The following AMOTL1 variants were observed in gnomAD, a reference collection of about 807,000 sequenced individuals.
The protein encoded by AMOTL1 is angiomotin-like protein 1.
AMOTL1 carries 45 observed loss-of-function variants against 102.9 expected under a neutral mutation model. The observed-to-expected ratio is 0.44, with a 90% confidence interval of 0.34 to 0.56. The LOEUF is 0.56. AMOTL1 is among the 20% of genes least tolerant of loss of function. The pLI, the probability that AMOTL1 is intolerant of heterozygous loss-of-function variation, is 0.01. For missense variants in AMOTL1, 1,114 were observed against 1,225.6 expected (o/e 0.91, Z 1.36); for synonymous variants, 481 against 484.7 (o/e 0.99, Z 0.10).
At chr11:94,784,706 T>C (rs1447671574) in intron 1 of AMOTL1, among the ~76,000 whole-genome samples, 1 of 152,188 alleles carries the variant, frequency 6.6e-6, no homozygotes, top group African/African-American at 2.4e-5. Context: ...TACCACAACT[T>C]TTCAGGAGTG....
intron 1 of AMOTL1, among the ~76,000 whole-genome samples, chr11:94,786,102 A>T (rs2135541291): frequency 6.6e-6 from 1 of 152,346 alleles, no homozygotes; most frequent in African/African-American, 2.4e-5. Context: ...ATTAAAACTT[A>T]TCTGAGGAAA....
intron 7 of AMOTL1, among the ~76,000 whole-genome samples, chr11:94,850,905 T>TA (rs1952523173): frequency 6.6e-6 from 1 of 152,174 alleles, no homozygotes; most frequent in African/African-American, 2.4e-5. Context: ...AAGGAAACAG[T>TA]ATTGTTACTA....
At chr11:94,864,926 ATTG>A in intron 10 of AMOTL1, 66 bp downstream of exon 10, 2 of 1,556,744 alleles carry the variant, frequency 1.3e-6, no homozygotes, top group Non-Finnish European at 1.7e-6. Context: ...TCCAGAACAG[ATTG>A]CTTCTCTGTC....
At position 94,873,776 on chromosome 11, in the gene AMOTL1, TACACACAC is replaced by T. The variant is rs149500556; in HGVS notation, c.*3011_*3018del. On this transcript the variant is annotated 3_prime_UTR_variant, in exon 13 of 13. Transcript: ENST00000433060. Reference sequence around the variant, plus strand: ...TGTGATGTGTGTGTGCACGTGTAACTACACACACACACACACACACACACACACACACA... The same window carrying T: ...TGTGATGTGTGTGTGCACGTGTAACTACACACACACACACACACACACACA... 0.03 allele frequency: 4,241 copies of T among 142,560 alleles called. 101 individuals carry two copies. Among genetic ancestry groups the T allele is most frequent in the African/African-American group, 0.063 (2,478 of 39,430 alleles). The allele number at this position is 142,560 out of a possible 1,614,324, so 8.8% of individuals were successfully genotyped here. A position where few individuals can be genotyped will look rare whatever the true frequency, so the allele number is the denominator to read the frequency against.
chr11:94,802,877 C>A (rs1291729400), intron 3 of AMOTL1, among the ~76,000 whole-genome samples: 1 of 152,216 alleles, frequency 6.6e-6, no homozygotes, highest in Non-Finnish European at 1.5e-5. Flanking sequence ...GTTCAACTTG[C>A]CTGTGACCCA....
chr11:94,743,967 C>T (rs1009246076), intron 3 of AMOTL1, among the ~76,000 whole-genome samples: 1 of 152,110 alleles, frequency 6.6e-6, no homozygotes, highest in Admixed American at 6.5e-5. Flanking sequence ...CTGGCCTGTA[C>T]TCACAATACT....
In AMOTL1 at chr11:94,794,163, A is replaced by T. The variant is rs550389609; in HGVS notation, c.50-848A>T. On this transcript the variant is annotated intron_variant, in intron 1 of 12. Coordinates refer to ENST00000433060, the MANE Select transcript of AMOTL1 (RefSeq NM_130847.3). Reference sequence around the variant, plus strand: ...CTTTTGAGCAAGGATGTTAATTTTTAAAAAAGTACTATGATTCTTTCCCCA... The same window carrying T: ...CTTTTGAGCAAGGATGTTAATTTTTTAAAAAGTACTATGATTCTTTCCCCA... Among the ~76,000 whole-genome samples the T allele has an allele frequency of 6.2e-4, 95 of 152,332 alleles. 1 individual carries two copies. The highest frequency in any genetic ancestry group is 4.8e-3 in the Admixed American group (73 of 15,302).
At chr11:94,840,197 T>C (rs565241903) in intron 6 of AMOTL1, among the ~76,000 whole-genome samples, 1 of 152,302 alleles carries the variant, frequency 6.6e-6, no homozygotes, top group Non-Finnish European at 1.5e-5. Flanking sequence ...ATACAACGAG[T>C]AACTCCGTGG....
At chr11:94,843,109 C>T (rs1250771774) in intron 6 of AMOTL1, among the ~76,000 whole-genome samples, 1 of 152,182 alleles carries the variant, frequency 6.6e-6, no homozygotes, top group East Asian at 1.9e-4. Flanking sequence ...AACAAGCCTC[C>T]TTACCCAAGA....
chr11:94,768,899 C>T (rs984021865), intron 1 of AMOTL1, among the ~76,000 whole-genome samples: 3 of 151,890 alleles, frequency 2.0e-5, no homozygotes, highest in Non-Finnish European at 4.4e-5. Flanking sequence ...GAGGCGCGCC[C>T]GCGCCCGCGC....
intron 1 of AMOTL1, among the ~76,000 whole-genome samples, chr11:94,711,047 A>G (rs1006236552): frequency 2.6e-5 from 4 of 152,308 alleles, no homozygotes; most frequent in Non-Finnish European, 5.9e-5. Flanking sequence ...ATACAGATAG[A>G]TGCTACCACT....
At chr11:94,789,022 A>G (rs981300183) in intron 1 of AMOTL1, among the ~76,000 whole-genome samples, 2 of 152,136 alleles carry the variant, frequency 1.3e-5, no homozygotes, top group Admixed American at 1.3e-4. Flanking sequence ...GAATCTTGTA[A>G]ACCCCACCCC....
At chr11:94,789,706 C>T (rs906159161) in intron 1 of AMOTL1, among the ~76,000 whole-genome samples, 1 of 152,144 alleles carries the variant, frequency 6.6e-6, no homozygotes, top group Admixed American at 6.5e-5. Flanking sequence ...AGAAAAACCT[C>T]GAGTTCTGCC....
At chr11:94,738,934 G>A (rs1017610593) in intron 2 of AMOTL1, among the ~76,000 whole-genome samples, 1 of 152,140 alleles carries the variant, frequency 6.6e-6, no homozygotes, top group Non-Finnish European at 1.5e-5. Context: ...GGTTGGAGCA[G>A]GTCAAGAAAG....
chr11:94,760,704 A>G (rs532066194), intron 3 of AMOTL1, among the ~76,000 whole-genome samples: 1 of 152,204 alleles, frequency 6.6e-6, no homozygotes, highest in African/African-American at 2.4e-5. Flanking sequence ...CCTTTTTTTC[A>G]TTGCACATAG....
At chr11:94,795,555 C>T (rs1270211545) in intron 2 of AMOTL1, among the ~76,000 whole-genome samples, 1 of 152,180 alleles carries the variant, frequency 6.6e-6, no homozygotes, top group Non-Finnish European at 1.5e-5. Context: ...TAATTCAGAA[C>T]TATAGCAAGG....
At chr11:94,853,419 G>C (rs145550276) in intron 7 of AMOTL1, among the ~76,000 whole-genome samples, 1 of 152,136 alleles carries the variant, frequency 6.6e-6, no homozygotes, top group East Asian at 1.9e-4. Context: ...CTGTTCCTGT[G>C]TTAGTTTGCT....
chr11:94,799,967 C>T lies in AMOTL1; in HGVS notation c.777C>T (p.Arg259=), dbSNP rs1213131058. 3 of 1,614,060 alleles carry T rather than the reference C, an allele frequency of 1.9e-6. No individual in the cohort carries two copies. The highest frequency in any genetic ancestry group is 1.7e-5 in the Admixed American group (1 of 60,022). Residue 259 remains arginine, a synonymous_variant, in exon 3 of 13, where the codon CGC becomes CGT. Coordinates refer to ENST00000433060, the MANE Select transcript of AMOTL1 (RefSeq NM_130847.3). The surrounding 1 kb of genome is among the most constrained non-coding windows in gnomAD (Gnocchi z 4.5). ...AGGAACTGAAGCAGGGCCACGTCCG[C>T]TCGCTCAGCGAGAGAATCATGCAGC... ...ALKELKQGHV[R]SLSERIMQLS... is the part of the protein sequence containing the mutation.
chr11:94,716,082 A>T (rs1950091443), intron 1 of AMOTL1, among the ~76,000 whole-genome samples: 1 of 152,042 alleles, frequency 6.6e-6, no homozygotes, highest in African/African-American at 2.4e-5. Flanking sequence ...AGTAAATTCT[A>T]TTGATTTGTC....
Sources: allele counts gnomAD v4.1 joint callset (sites outside exome capture counted in the v4.1 genomes callset), GRCh38; gene constraint gnomAD v4.1.1; non-coding constraint Gnocchi (gnomAD v3.1); transcripts MANE v1.5; gene names NCBI Gene and HGNC (gene_info 2026-07-23, HGNC 2026-07-21).